Variants in PIGG observed in about 807,000 individuals in gnomAD.
PIGG encodes the protein phosphatidylinositol glycan anchor biosynthesis class G (EMM blood group), also known as GPI ethanolamine phosphate transferase 2, catalytic subunit.
Under a neutral mutation model 83.2 loss-of-function variants are expected in PIGG, and 70 were observed. That is an observed-to-expected ratio of 0.84 (90% CI 0.69 to 1.03). The LOEUF is 1.03. Ranked by LOEUF, PIGG falls within the 50% of genes least tolerant of loss-of-function variation. The pLI is 0.00. For missense variants in PIGG, 1,257 were observed against 1,233.6 expected, an observed-to-expected ratio of 1.02 and a Z score of -0.28; for synonymous variants, 532 against 519.5, an observed-to-expected ratio of 1.02 and a Z score of -0.33.
intron 6 of PIGG, 31 bp from the exon 7 acceptor site, chr4:521,025 C>A: frequency 7.0e-7 from 1 of 1,432,354 alleles, no homozygotes; most frequent in Non-Finnish European, 9.9e-7. Context: ...GGTGTGTGTG[C>A]GCGCCTGTAA....
Position 530,307 on chromosome 4 carries a change from G to A in PIGG, c.2262-129G>A, listed in dbSNP as rs1056353512. The A allele has an allele frequency of 1.2e-4, 78 of 666,670 alleles. 1 individual carries two copies. The highest frequency in any genetic ancestry group is 1.4e-4 in the Non-Finnish European group (55 of 387,734). 41.3% of individuals were successfully genotyped at this position (666,670 alleles called of 1,614,324 possible). Reference sequence around the variant, plus strand: ...ACCTGGGGGGTAGGGAGGGTGCCGCGGCTCCTTTAGTCAGCAGTGCTGGAC... The same window carrying A: ...ACCTGGGGGGTAGGGAGGGTGCCGCAGCTCCTTTAGTCAGCAGTGCTGGAC... On this transcript the variant is annotated intron_variant, in intron 10 of 12. Transcript: ENST00000453061.
chr4:519,522 C>T (rs1033603349), intron 6 of PIGG, among the ~76,000 whole-genome samples: 1 of 152,244 alleles, frequency 6.6e-6, no homozygotes, highest in Non-Finnish European at 1.5e-5. Context: ...CCCACTGGCA[C>T]TGTGGCCCAG....
intron 5 of PIGG, among the ~76,000 whole-genome samples, chr4:510,646 A>C (rs1004979329): frequency 6.6e-6 from 1 of 152,176 alleles, no homozygotes; most frequent in Non-Finnish European, 1.5e-5. Context: ...CGGACTCATC[A>C]CCAGCTTCAG....
At chr4:513,198 TA>T (rs35470079) in intron 5 of PIGG, among the ~76,000 whole-genome samples, 6 of 152,248 alleles carry the variant, frequency 3.9e-5, no homozygotes, top group Non-Finnish European at 7.3e-5. Context: ...TGGTGGTTTT[TA>T]AAATGTTTAC....
Position 523,622 on chromosome 4 carries a change from C to T in PIGG, c.1778C>T (p.Thr593Ile), listed in dbSNP as rs753522068. The change falls in exon 9 of 13, where the codon ACC becomes ATC. Residue 593 changes from threonine (T) to isoleucine (I), a missense_variant. Transcript: ENST00000453061. ...CTGTGTCTAGCTCTGAGCCAAGAAACCTACAGAAACTACTTTCTGGGAGAT... is the reference window on the plus strand; with the variant it reads ...CTGTGTCTAGCTCTGAGCCAAGAAATCTACAGAAACTACTTTCTGGGAGAT... ...NTLCLALSQE[T>I]YRNYFLGDDG... The T allele has an allele frequency of 6.2e-7, 1 of 1,614,182 alleles. No homozygotes were observed. Among genetic ancestry groups the T allele is most frequent in the South Asian group, 1.1e-5 (1 of 91,080 alleles).
rs546550334 is a variant in PIGG, at chr4:518,409, C to T, written c.1114+2224C>T. Among the ~76,000 whole-genome samples the T allele has an allele frequency of 1.6e-3, 247 of 152,188 alleles. 1 individual carries two copies. The highest frequency in any genetic ancestry group is 5.6e-3 in the African/African-American group (232 of 41,526). On this transcript the variant is annotated intron_variant, in intron 6 of 12. Coordinates refer to ENST00000453061, the MANE Select transcript of PIGG (RefSeq NM_001127178.3). ...GAGATCAAGACCGTCCTGGCTAACACAGTGAAACCCCATCTCTACTAAAAA... is the reference window on the plus strand; with the variant it reads ...GAGATCAAGACCGTCCTGGCTAACATAGTGAAACCCCATCTCTACTAAAAA...
intron 5 of PIGG, among the ~76,000 whole-genome samples, chr4:511,883 T>C (rs1431054209): frequency 6.6e-6 from 1 of 152,224 alleles, no homozygotes; most frequent in Non-Finnish European, 1.5e-5. Context: ...GGGTTGGCTG[T>C]TTTTTCTTTC....
intron 10 of PIGG, among the ~76,000 whole-genome samples, chr4:529,183 C>T (rs1330220049): frequency 6.6e-6 from 1 of 152,132 alleles, no homozygotes; most frequent in Non-Finnish European, 1.5e-5. Flanking sequence ...TGCTCATCAC[C>T]CTGCCTGCCC....
chr4:522,085 C>A (rs764175593), intron 8 of PIGG, 144 bp downstream of exon 8: 1 of 836,026 alleles, frequency 1.2e-6, no homozygotes, highest in East Asian at 2.6e-5. Flanking sequence ...CAGGGGGCCT[C>A]AGGGAAGGAC....
intron 3 of PIGG, 101 bp downstream of exon 3, chr4:506,028 GT>G: frequency 1.2e-6 from 1 of 814,258 alleles, no homozygotes; most frequent in Non-Finnish European, 2.0e-6. Context: ...TTTATATTTG[GT>G]TTTATTAATT....
chr4:512,994 G>A (rs1235588072), intron 5 of PIGG, among the ~76,000 whole-genome samples: 2 of 152,184 alleles, frequency 1.3e-5, no homozygotes, highest in African/African-American at 2.4e-5. Flanking sequence ...AGGGAGCTCT[G>A]TGTTCTGGGC....
At chr4:527,420 T>A in intron 10 of PIGG, 190 bp downstream of exon 10, 1 of 1,336,884 alleles carries the variant, frequency 7.5e-7, no homozygotes, top group East Asian at 3.0e-5. Context: ...TAAGAAAACC[T>A]CAACCAGCTG....
At position 515,312 on chromosome 4, in the gene PIGG, G is replaced by T. The variant is rs912924369; in HGVS notation, c.902-661G>T. 6.6e-6 allele frequency among the ~76,000 whole-genome samples: 1 copy of T among 152,242 alleles called. No homozygotes were observed. The highest frequency in any genetic ancestry group is 1.9e-4 in the East Asian group (1 of 5,200). On this transcript the variant is annotated intron_variant, in intron 5 of 12. Transcript: ENST00000453061. This position sits in a 1 kb window ranked among gnomAD's most constrained non-coding sequence, Gnocchi z 4.2. ...CATAGTGGATGGTGGCAGAGCAGTG[G>T]CCTAGGCCCATGGTGCTGACATCAC...
Position 539,490 on chromosome 4 carries a change from C to T in PIGG, c.*121C>T, listed in dbSNP as rs1731559694. 3.2e-6 allele frequency: 2 copies of T among 630,716 alleles called. No individual in the cohort carries two copies. The highest frequency in any genetic ancestry group is 5.6e-6 in the Non-Finnish European group (2 of 357,196). The allele number at this position is 630,716 out of a possible 1,614,324, so 39.1% of individuals were successfully genotyped here. A position where few individuals can be genotyped will look rare whatever the true frequency, so the allele number is the denominator to read the frequency against. On this transcript the variant is annotated 3_prime_UTR_variant, in exon 13 of 13. Transcript: ENST00000453061. The stretch of plus-strand genomic sequence containing the variant: ...TTTGACTGCTCTACCTGAATTTAGA[C>T]TAAGCAGTAAATAGTTTAATAAAAG...
At chr4:537,905 G>T (rs1468186991) in intron 12 of PIGG, among the ~76,000 whole-genome samples, 1 of 152,216 alleles carries the variant, frequency 6.6e-6, no homozygotes, top group Non-Finnish European at 1.5e-5. Context: ...TGAAGCAGGA[G>T]CCACTTACAG....
chr4:534,860 C>T (rs1435966601), intron 12 of PIGG, among the ~76,000 whole-genome samples: 1 of 151,950 alleles, frequency 6.6e-6, no homozygotes, highest in Admixed American at 6.5e-5. Flanking sequence ...CAGAAGTTCC[C>T]CCCGGGGGAC....
At chr4:517,462 T>G (rs1248700543) in intron 6 of PIGG, among the ~76,000 whole-genome samples, 1 of 152,098 alleles carries the variant, frequency 6.6e-6, no homozygotes, top group African/African-American at 2.4e-5. Flanking sequence ...AGGGCACGAC[T>G]TAGGAGGAAC....
chr4:512,990 C>T (rs183571897), intron 5 of PIGG, among the ~76,000 whole-genome samples: 1 of 152,232 alleles, frequency 6.6e-6, no homozygotes, highest in East Asian at 1.9e-4. Flanking sequence ...GGAAAGGGAG[C>T]TCTGTGTTCT....
chr4:536,001 A>G (rs1196136269), intron 12 of PIGG, among the ~76,000 whole-genome samples: 3 of 152,022 alleles, frequency 2.0e-5, no homozygotes, highest in African/African-American at 7.2e-5. Flanking sequence ...GGGCCCACGC[A>G]CCCAGGCACG....
Sources: allele counts gnomAD v4.1 joint callset (sites outside exome capture counted in the v4.1 genomes callset), GRCh38; gene constraint gnomAD v4.1.1; non-coding constraint Gnocchi (gnomAD v3.1); transcripts MANE v1.5; gene names NCBI Gene and HGNC (gene_info 2026-07-23, HGNC 2026-07-21).